The following PROS1 variants were observed in gnomAD, a reference collection of about 807,000 sequenced individuals.
PROS1 encodes protein S.
In PROS1, 29 loss-of-function variants were observed where a neutral mutation model predicts 75.9. The ratio of observed to expected loss-of-function variants is 0.38; its 90% CI spans 0.28 to 0.52. PROS1 has a LOEUF of 0.52. PROS1 is among the 20% of genes least tolerant of loss of function. The pLI is 0.83. For synonymous variants in PROS1, 245 were observed against 280.6 expected (o/e 0.87, Z 1.27); for missense variants, 680 against 810.3 (o/e 0.84, Z 1.95).
At chr3:93,928,814 A>C in intron 1 of PROS1, 1 of 1,019,230 alleles carries the variant, frequency 9.8e-7, no homozygotes, top group Non-Finnish European at 1.4e-6. Context: ...AGAAAACAAT[A>C]TAAACAATCA....
At chr3:93,941,882 C>T (rs529473669) in intron 1 of PROS1, among the ~76,000 whole-genome samples, 1 of 152,306 alleles carries the variant, frequency 6.6e-6, no homozygotes, top group Admixed American at 6.5e-5. Context: ...TTCCTCACAC[C>T]TGGTGCGTAT....
At chr3:93,922,717 T>C (rs1708960184) in intron 3 of PROS1, among the ~76,000 whole-genome samples, 1 of 152,160 alleles carries the variant, frequency 6.6e-6, no homozygotes, top group Non-Finnish European at 1.5e-5. Context: ...ATTAGAGCCA[T>C]TGGCCTATAG....
rs534064879 is a variant in PROS1, at chr3:93,874,090, A to T, written c.*155T>A. 277 of 848,818 alleles carry T rather than the reference A, an allele frequency of 3.3e-4. No individual in the cohort carries two copies. The highest frequency in any genetic ancestry group is 4.6e-4 in the Non-Finnish European group (259 of 557,520). 52.6% of individuals were successfully genotyped at this position (848,818 alleles called of 1,614,324 possible). A position where few individuals can be genotyped will look rare whatever the true frequency, so the allele number is the denominator to read the frequency against. Reference sequence around the variant, plus strand: ...TTACTGTGATTTATATCACAACAGAATTTTTTTCCTTGACAAAGGACCTTT... The same window carrying T: ...TTACTGTGATTTATATCACAACAGATTTTTTTTCCTTGACAAAGGACCTTT... On this transcript the variant is annotated 3_prime_UTR_variant, in exon 15 of 15. Transcript: ENST00000394236.
intron 12 of PROS1, 29 bp downstream of exon 12, chr3:93,884,699 A>C (rs777845868): frequency 1.9e-6 from 3 of 1,585,888 alleles, no homozygotes; most frequent in Non-Finnish European, 1.7e-6. Context: ...CATTAATGAG[A>C]AAATAGAGAT....
At position 93,877,099 on chromosome 3, in the gene PROS1, G is replaced by A. The variant is rs775431133; in HGVS notation, c.1737C>T (p.Val579=). The stretch of plus-strand genomic sequence containing the variant: ...TCGACAACTCCAGATTGTTTCTGTT[G>A]ACTCTAAATTCCAGATGAGATTGTT... ...SDQQSHLEFR[V]NRNNLELSTP... is the part of the protein sequence containing the mutation. The change falls in exon 14 of 15, where the codon GTC becomes GTT. Residue 579 remains valine (V), a synonymous_variant. Coordinates refer to ENST00000394236, the MANE Select transcript of PROS1 (RefSeq NM_000313.4). 6.2e-7 allele frequency: 1 copy of A among 1,612,560 alleles called. No individual in the cohort carries two copies. The highest frequency in any genetic ancestry group is 1.3e-5 in the African/African-American group (1 of 74,828).
chr3:93,899,954 CT>C (rs1204444990), intron 7 of PROS1, among the ~76,000 whole-genome samples: 1 of 151,922 alleles, frequency 6.6e-6, no homozygotes, highest in Non-Finnish European at 1.5e-5. Flanking sequence ...CTTGTAGCCC[CT>C]AAATCTATTT....
chr3:93,875,691 G>T (rs1480194338), intron 14 of PROS1, among the ~76,000 whole-genome samples: 3 of 150,314 alleles, frequency 2.0e-5, no homozygotes, highest in African/African-American at 4.9e-5. Flanking sequence ...CTATCTATCT[G>T]TCTGTCTTTC....
In PROS1 at chr3:93,973,889, G is replaced by C. The variant is rs576574328; in HGVS notation, c.-140C>G. 2 of 581,056 alleles carry C rather than the reference G, an allele frequency of 3.4e-6. No homozygotes were observed. The highest frequency in any genetic ancestry group is 5.3e-6 in the Non-Finnish European group (2 of 378,576). 36.0% of individuals were successfully genotyped at this position (581,056 alleles called of 1,614,324 possible). On this transcript the variant is annotated 5_prime_UTR_variant, in exon 1 of 15. Transcript: ENST00000394236. ...CGGCGCCAGCGACCCAGCGAGCCTCGGCGGAACAGCCGGGGGCGGAGGAGA... is the reference window on the plus strand; with the variant it reads ...CGGCGCCAGCGACCCAGCGAGCCTCCGCGGAACAGCCGGGGGCGGAGGAGA...
At chr3:93,885,776 A>C (rs1473538813) in intron 11 of PROS1, among the ~76,000 whole-genome samples, 1 of 152,234 alleles carries the variant, frequency 6.6e-6, no homozygotes, top group African/African-American at 2.4e-5. Context: ...TTCAAGCTTA[A>C]TATCATATAA....
intron 1 of PROS1, among the ~76,000 whole-genome samples, chr3:93,940,268 G>A (rs961394026): frequency 3.3e-5 from 5 of 152,266 alleles, no homozygotes; most frequent in Admixed American, 6.5e-5. Flanking sequence ...TCAGCTTAGC[G>A]GCTGAAGACT....
chr3:93,916,088 TA>T (rs1177368294), intron 3 of PROS1, among the ~76,000 whole-genome samples: 4 of 152,152 alleles, frequency 2.6e-5, no homozygotes, highest in Non-Finnish European at 5.9e-5. Flanking sequence ...GTAAAGGCCT[TA>T]TTACAGCATC....
At chr3:93,879,445 T>C (rs1708243558) in intron 12 of PROS1, 131 bp from the exon 13 acceptor site, 5 of 1,298,462 alleles carry the variant, frequency 3.9e-6, no homozygotes, top group Non-Finnish European at 5.5e-6. Flanking sequence ...CCTTTCTCAA[T>C]GATCTATATA....
At chr3:93,879,102 T>C in intron 13 of PROS1, 61 bp downstream of exon 13, 3 of 1,477,264 alleles carry the variant, frequency 2.0e-6, no homozygotes, top group South Asian at 1.2e-5. Context: ...AATACTGCTA[T>C]GTATACATTT....
chr3:93,967,574 C>A (rs1709810623), intron 1 of PROS1, among the ~76,000 whole-genome samples: 1 of 152,128 alleles, frequency 6.6e-6, no homozygotes, highest in African/African-American at 2.4e-5. Flanking sequence ...GGTATGTTCT[C>A]TGTACCAGCA....
intron 2 of PROS1, among the ~76,000 whole-genome samples, chr3:93,924,745 C>T (rs969882315): frequency 1.3e-5 from 2 of 151,724 alleles, no homozygotes; most frequent in East Asian, 1.9e-4. Context: ...TCACTGCAGC[C>T]TTACCCTCCT....
chr3:93,900,099 G>A (rs1708567585), intron 7 of PROS1, among the ~76,000 whole-genome samples: 2 of 152,234 alleles, frequency 1.3e-5, no homozygotes, highest in African/African-American at 2.4e-5. Context: ...AAATCGAAAG[G>A]AAGGTATGAG....
chr3:93,920,569 A>AT (rs899917745), intron 3 of PROS1, among the ~76,000 whole-genome samples: 2 of 151,956 alleles, frequency 1.3e-5, no homozygotes, highest in East Asian at 1.9e-4. Context: ...TATGGATTCT[A>AT]TTTTTTTCCA....
At chr3:93,926,771 T>A (rs1290284495) in intron 2 of PROS1, among the ~76,000 whole-genome samples, 1 of 152,252 alleles carries the variant, frequency 6.6e-6, no homozygotes, top group Non-Finnish European at 1.5e-5. Flanking sequence ...CCCCTCCCTC[T>A]AACACTATCA....
intron 1 of PROS1, among the ~76,000 whole-genome samples, chr3:93,964,426 G>C (rs940220769): frequency 6.6e-6 from 1 of 152,140 alleles, no homozygotes; most frequent in African/African-American, 2.4e-5. Flanking sequence ...GGGAACGTCT[G>C]TCCTATGCGG....
Sources: gnomAD v4.1 joint callset for allele counts (sites outside exome capture counted in the v4.1 genomes callset) on GRCh38, gnomAD v4.1.1 for gene constraint, MANE v1.5 for transcripts, NCBI Gene and HGNC (gene_info 2026-07-23, HGNC 2026-07-21) for gene names.